ZNF367: variants seen among roughly 807,000 people sequenced by gnomAD.
The protein encoded by ZNF367 is C2H2 zinc finger protein ZFF29.
A neutral mutation model predicts 31.8 loss-of-function variants in ZNF367; 11 were observed. The ratio of observed to expected loss-of-function variants is 0.35; its 90% confidence interval spans 0.22 to 0.57. The LOEUF (loss-of-function observed/expected upper bound fraction) is 0.57. Ranked by LOEUF, ZNF367 falls within the 20% of genes least tolerant of loss-of-function variation. ZNF367 has a pLI of 0.85. For synonymous variants in ZNF367, 199 were observed against 202.4 expected, an observed-to-expected ratio of 0.98 and a Z score of 0.14; for missense variants, 353 against 484.1, an observed-to-expected ratio of 0.73 and a Z score of 2.54.
At position 96,411,800 on chromosome 9, in the gene ZNF367, C is replaced by T. The variant is rs552317492; in HGVS notation, c.420+5813G>A. The stretch of plus-strand genomic sequence containing the variant: ...TACTGGCCATATACAGGGAAGGGTT[C>T]ACTAAGTGCATTCTTTTGGGTTTTT... On this transcript the variant is annotated intron_variant, in intron 1 of 4. Coordinates refer to ENST00000375256, the MANE Select transcript of ZNF367 (RefSeq NM_153695.4). Among the ~76,000 whole-genome samples the T allele has an allele frequency of 1.1e-3, 167 of 152,176 alleles. 1 individual carries two copies. Among genetic ancestry groups the T allele is most frequent in the Non-Finnish European group, 1.5e-3 (100 of 68,004 alleles).
Position 96,417,525 on chromosome 9 carries a change from C to A in ZNF367, c.420+88G>T, listed in dbSNP as rs923424400. The A allele has an allele frequency of 3.0e-4, 83 of 273,836 alleles. No individual in the cohort carries two copies. Among genetic ancestry groups the A allele is most frequent in the African/African-American group, 1.8e-3 (78 of 44,138 alleles). 17.0% of individuals were successfully genotyped at this position (273,836 alleles called of 1,614,324 possible). A position where few individuals can be genotyped will look rare whatever the true frequency, so the allele number is the denominator to read the frequency against. ...GCCCCCGCCGTAGCCGGATCGACCTCGCGTTTTCAACTCCGCCCCGCCCGC... is the reference window on the plus strand; with the variant it reads ...GCCCCCGCCGTAGCCGGATCGACCTAGCGTTTTCAACTCCGCCCCGCCCGC... On this transcript the variant is annotated intron_variant, in intron 1 of 4. Transcript: ENST00000375256. This position sits in a 1 kb window ranked among gnomAD's most constrained non-coding sequence, Gnocchi z 5.0.
rs527608818 is a variant in ZNF367 at position 96,416,073 on chromosome 9, T to C, written c.420+1540A>G. 5.3e-4 allele frequency among the ~76,000 whole-genome samples: 73 copies of C among 137,796 alleles called. 1 individual carries two copies. The East Asian group carries it at 0.012, about 22-fold the overall frequency. 90.4% of individuals were successfully genotyped at this position (137,796 alleles called of 152,430 possible). On this transcript the variant is annotated intron_variant, in intron 1 of 4. Transcript: ENST00000375256. ...GCCACCTCACCAGGCTCTGTTATGG[T>C]TTTTTTTTTTGTTGTTTTTTTTTTT... is the stretch of plus-strand genomic sequence containing the variant.
intron 1 of ZNF367, among the ~76,000 whole-genome samples, chr9:96,404,345 A>C (rs1235727215): frequency 6.6e-6 from 1 of 152,204 alleles, no homozygotes; most frequent in African/African-American, 2.4e-5. Flanking sequence ...CTATAATCCC[A>C]GCACTTTGAG....
At position 96,400,745 on chromosome 9, in the gene ZNF367, T is replaced by C. The variant is rs1042970981; in HGVS notation, c.421-2431A>G. ...ACCAACATACATATAACTGGAGTCA[T>C]AGAGGCAAGAGAGGAAAGGGAAAGA... On this transcript the variant is annotated intron_variant, in intron 1 of 4. Coordinates refer to ENST00000375256, the MANE Select transcript of ZNF367 (RefSeq NM_153695.4). Among the ~76,000 whole-genome samples the C allele has an allele frequency of 9.9e-5, 15 of 152,168 alleles. No individual in the cohort carries two copies. In the South Asian group the frequency reaches 1.2e-3, roughly 13 times the overall value.
rs780650945 is a variant in ZNF367, at chr9:96,417,925, C to G, written c.108G>C (p.Arg36Ser). 2.0e-6 allele frequency: 3 copies of G among 1,521,542 alleles called. No individual in the cohort carries two copies. In the South Asian group the frequency reaches 3.6e-5, roughly 18 times the overall value. The allele number at this position is 1,521,542 out of a possible 1,614,324, so 94.3% of individuals were successfully genotyped here. A position where few individuals can be genotyped will look rare whatever the true frequency, so the allele number is the denominator to read the frequency against. The change falls in exon 1 of 5, where the codon AGG becomes AGC. Residue 36 changes from arginine (R) to serine (S), a missense_variant. This residue lies in a region of ZNF367 where 94 missense variants were observed against 86.7 expected (regional missense o/e 1.08). Coordinates refer to ENST00000375256, the MANE Select transcript of ZNF367 (RefSeq NM_153695.4). The surrounding 1 kb of genome is among the most constrained non-coding windows in gnomAD (Gnocchi z 5.0). ...CGCACGTTGGCTTGATCGGGGTCGT[C>G]CTGATGACCGACACCAGCACCCGCT... ...SPKRVLVSVI[R>S]TTPIKPTCGG...
chr9:96,410,088 CCT>C (rs1016581964), intron 1 of ZNF367, among the ~76,000 whole-genome samples: 1 of 144,922 alleles, frequency 6.9e-6, no homozygotes, highest in Non-Finnish European at 1.5e-5. Flanking sequence ...ATGGTGAAAC[CCT>C]GTCTCTACTA....
chr9:96,402,619 ATTTTTTTTTTT>A (rs61651699), intron 1 of ZNF367, among the ~76,000 whole-genome samples: 9 of 70,202 alleles, frequency 1.3e-4, no homozygotes, highest in East Asian at 4.5e-4. Context: ...CGCCTGGCTA[ATTTTTTTTTTT>A]TTTTTTTTTT....
rs756633856 is a variant in ZNF367 at position 96,388,348 on chromosome 9, G to T, written c.942C>A (p.Asp314Glu). The change falls in exon 5 of 5, where the codon GAC (aspartate) becomes GAA (glutamate). Residue 314 changes from aspartate (D) to glutamate (E), a missense_variant. Around this residue, in one of 5 missense-constraint regions of ZNF367, gnomAD observed 101 missense variants for 140.0 expected, o/e 0.72. Transcript: ENST00000375256. ...PLEYLQSDEE[D>E]DEKRGAQRRL... ...GGCGCTGGGCCCCTCTCTTCTCGTC[G>T]TCCTCTTCATCAGACTGAAGGTATT... 1 of 1,613,332 alleles carries T rather than the reference G, an allele frequency of 6.2e-7. No individual in the cohort carries two copies. Among genetic ancestry groups the T allele is most frequent in the South Asian group, 1.1e-5 (1 of 91,034 alleles).
At chr9:96,399,309 G>A (rs1423946473) in intron 1 of ZNF367, among the ~76,000 whole-genome samples, 1 of 152,092 alleles carries the variant, frequency 6.6e-6, no homozygotes, top group East Asian at 1.9e-4. Context: ...GGAGAAGGTG[G>A]TTGTCCTCCT....
At chr9:96,398,032 G>A (rs1831554318) in intron 2 of ZNF367, 132 bp downstream of exon 2, 4 of 833,102 alleles carry the variant, frequency 4.8e-6, no homozygotes, top group South Asian at 4.7e-5. Context: ...GGAGCTTGCA[G>A]TAAGCCAAGA....
At chr9:96,409,448 A>G (rs970936363) in intron 1 of ZNF367, among the ~76,000 whole-genome samples, 1 of 152,226 alleles carries the variant, frequency 6.6e-6, no homozygotes, top group African/African-American at 2.4e-5. Flanking sequence ...AGCCATGTTG[A>G]GGCTGAGATT....
chr9:96,413,988 C>G lies in ZNF367; in HGVS notation c.420+3625G>C, dbSNP rs946087749. 2.0e-5 allele frequency among the ~76,000 whole-genome samples: 3 copies of G among 152,148 alleles called. No homozygotes were observed. The South Asian group carries it at 6.2e-4, about 32-fold the overall frequency. ...TTGCAGACTTGTCTCCTCTCTTCCC[C>G]AAAAATGAGCAGACTCAGCACAATT... On this transcript the variant is annotated intron_variant, in intron 1 of 4. Transcript: ENST00000375256.
At chr9:96,393,257 C>G (rs1158974514) in intron 3 of ZNF367, among the ~76,000 whole-genome samples, 3 of 152,172 alleles carry the variant, frequency 2.0e-5, no homozygotes. Context: ...GGTGCAGTGG[C>G]TCATGCCTGT....
rs773041063 is a variant in ZNF367 at position 96,417,875 on chromosome 9, G to A, written c.158C>T (p.Pro53Leu). 4 of 1,515,996 alleles carry A rather than the reference G, an allele frequency of 2.6e-6. No individual in the cohort carries two copies. The highest frequency in any genetic ancestry group is 2.6e-6 in the Non-Finnish European group (3 of 1,141,052). The allele number at this position is 1,515,996 out of a possible 1,614,324, so 93.9% of individuals were successfully genotyped here. Residue 53 changes from proline to leucine, a missense_variant, in exon 1 of 5, where the codon CCG (proline) becomes CTG (leucine). Pro to Leu is a moderately conservative substitution (Grantham distance 98). Transcript: ENST00000375256. This position sits in a 1 kb window ranked among gnomAD's most constrained non-coding sequence, Gnocchi z 5.0. ...TCGGGGEPEP[P>L]PPLIPTSPGF... ...GGGGCTGGTGGGGATGAGCGGCGGC[G>A]GCGGCTCCGGCTCCCCTCCACCGCC...
intron 1 of ZNF367, among the ~76,000 whole-genome samples, chr9:96,407,113 A>AGTTAGAG (rs1831680586): frequency 6.6e-6 from 1 of 151,846 alleles, no homozygotes; most frequent in Non-Finnish European, 1.5e-5. Flanking sequence ...TGAGGCCGGA[A>AGTTAGAG]GTTAGAGACC....
At chr9:96,406,469 G>C (rs566319026) in intron 1 of ZNF367, among the ~76,000 whole-genome samples, 45 of 152,108 alleles carry the variant, frequency 3.0e-4, no homozygotes, top group Non-Finnish European at 5.7e-4. Context: ...ACAACTTAAT[G>C]ACCTGATTTC....
At chr9:96,406,075 T>C (rs1197434162) in intron 1 of ZNF367, among the ~76,000 whole-genome samples, 1 of 152,194 alleles carries the variant, frequency 6.6e-6, no homozygotes, top group Non-Finnish European at 1.5e-5. Flanking sequence ...GGTGTGCAGT[T>C]TATGGGAACT....
chr9:96,398,693 A>T (rs575811582), intron 1 of ZNF367, among the ~76,000 whole-genome samples: 88 of 152,312 alleles, frequency 5.8e-4, no homozygotes, highest in African/African-American at 1.9e-3. Flanking sequence ...AAACTGAATA[A>T]AAAAGCAACT....
intron 1 of ZNF367, among the ~76,000 whole-genome samples, chr9:96,415,783 G>A (rs1831819522): frequency 6.6e-6 from 1 of 151,970 alleles, no homozygotes; most frequent in African/African-American, 2.4e-5. Flanking sequence ...ACAGGCGTGA[G>A]CCACCGCACC....
Sources: allele counts gnomAD v4.1 joint callset (sites outside exome capture counted in the v4.1 genomes callset), GRCh38; gene constraint gnomAD v4.1.1; regional missense constraint gnomAD v4.1.1; non-coding constraint Gnocchi (gnomAD v3.1); transcripts MANE v1.5; gene names NCBI Gene and HGNC (gene_info 2026-07-23, HGNC 2026-07-21).